Variants in HCRTR2 observed in about 807,000 individuals in gnomAD.
The protein encoded by HCRTR2 is orexin receptor type 2.
In HCRTR2, 22 loss-of-function variants were observed where a neutral mutation model predicts 49.0. The observed-to-expected ratio is 0.45, with a 90% CI of 0.32 to 0.64. The LOEUF is 0.64. Ranked by LOEUF, HCRTR2 falls within the 30% of genes least tolerant of loss-of-function variation. HCRTR2 has a pLI of 0.04. For synonymous variants in HCRTR2, 236 were observed against 205.3 expected, an observed-to-expected ratio of 1.15 and a Z score of -1.28; for missense variants, 491 against 559.4, an observed-to-expected ratio of 0.88 and a Z score of 1.23.
chr6:55,198,069 A>C (rs936828772), intron 1 of HCRTR2, among the ~76,000 whole-genome samples: 3 of 152,148 alleles, frequency 2.0e-5, no homozygotes, highest in African/African-American at 7.2e-5. Context: ...CCAAAAGTAA[A>C]TCTAAACTTA....
At chr6:55,160,623 T>C (rs1764792472) in intron 1 of HCRTR2, among the ~76,000 whole-genome samples, 1 of 151,924 alleles carries the variant, frequency 6.6e-6, no homozygotes, top group African/African-American at 2.4e-5. Context: ...AGGCTCGAAA[T>C]AAAGGGATGG....
chr6:55,227,364 A>C (rs1017589727), intron 1 of HCRTR2, among the ~76,000 whole-genome samples: 1 of 152,162 alleles, frequency 6.6e-6, no homozygotes, highest in Non-Finnish European at 1.5e-5. Flanking sequence ...AAAAGCTATT[A>C]CTATGGGGAC....
intron 1 of HCRTR2, among the ~76,000 whole-genome samples, chr6:55,121,474 C>G (rs1764198609): frequency 1.3e-5 from 2 of 152,130 alleles, no homozygotes; most frequent in Admixed American, 6.6e-5. Context: ...ATTTCTTTCT[C>G]TTGCCTGATT....
At chr6:55,118,867 C>T (rs1764156034) in intron 1 of HCRTR2, among the ~76,000 whole-genome samples, 2 of 151,510 alleles carry the variant, frequency 1.3e-5, no homozygotes, top group Admixed American at 1.3e-4. Flanking sequence ...ATGCACATGC[C>T]ATGGTGGTTT....
At chr6:55,190,887 C>T (rs551361610) in intron 1 of HCRTR2, among the ~76,000 whole-genome samples, 2 of 152,296 alleles carry the variant, frequency 1.3e-5, no homozygotes, top group Middle Eastern at 6.8e-3. Context: ...AGCCTCAGTT[C>T]ACCAAGTATG....
At position 55,231,787 on chromosome 6, in the gene HCRTR2, A is replaced by G. The variant is rs529000563; in HGVS notation, c.224-16852A>G. 2.0e-5 allele frequency among the ~76,000 whole-genome samples: 3 copies of G among 152,348 alleles called. No individual in the cohort carries two copies. In the East Asian group the frequency reaches 5.8e-4, roughly 29 times the overall value. On this transcript the variant is annotated intron_variant, in intron 1 of 6. Coordinates refer to ENST00000370862, the MANE Select transcript of HCRTR2 (RefSeq NM_001384272.1). ...GTTTGACGTGCCTTCCATTTAATAA[A>G]TGCTGTATCAATCTAGCTGTTTCTC...
chr6:55,216,877 G>A (rs1055192087), intron 1 of HCRTR2, among the ~76,000 whole-genome samples: 1 of 152,210 alleles, frequency 6.6e-6, no homozygotes, highest in Non-Finnish European at 1.5e-5. Flanking sequence ...CCTGTGACAA[G>A]TCTCTGCCTG....
chr6:55,220,504 A>G (rs1348869277), intron 1 of HCRTR2, among the ~76,000 whole-genome samples: 1 of 152,184 alleles, frequency 6.6e-6, no homozygotes, highest in Non-Finnish European at 1.5e-5. Context: ...AAAGTTTAAT[A>G]CCCTTTCGTA....
intron 1 of HCRTR2, among the ~76,000 whole-genome samples, chr6:55,120,407 T>C (rs1180383811): frequency 1.3e-5 from 2 of 152,094 alleles, no homozygotes; most frequent in African/African-American, 4.8e-5. Context: ...GTTTTTCTAT[T>C]TGTTTGTGCC....
At chr6:55,236,147 C>T (rs1766208780) in intron 1 of HCRTR2, among the ~76,000 whole-genome samples, 1 of 151,888 alleles carries the variant, frequency 6.6e-6, no homozygotes, top group Non-Finnish European at 1.5e-5. Context: ...AGGGTATATC[C>T]CCCTATCCAT....
intron 1 of HCRTR2, among the ~76,000 whole-genome samples, chr6:55,205,960 C>T (rs1765593907): frequency 6.6e-6 from 1 of 151,982 alleles, no homozygotes; most frequent in African/African-American, 2.4e-5. Context: ...TAAATATATA[C>T]ATCTACTATG....
chr6:55,110,270 G>A (rs1312996664), intron 1 of HCRTR2, among the ~76,000 whole-genome samples: 1 of 151,980 alleles, frequency 6.6e-6, no homozygotes, highest in Non-Finnish European at 1.5e-5. Flanking sequence ...GACTTTCTTA[G>A]AGCATCAACC....
intron 1 of HCRTR2, among the ~76,000 whole-genome samples, chr6:55,188,494 T>C (rs1765262867): frequency 6.6e-6 from 1 of 152,200 alleles, no homozygotes; most frequent in Non-Finnish European, 1.5e-5. Context: ...AAAAGCATCA[T>C]AGAGCACCAG....
chr6:55,251,986 T>C (rs1290568673), intron 2 of HCRTR2, among the ~76,000 whole-genome samples: 2 of 152,124 alleles, frequency 1.3e-5, no homozygotes, highest in Admixed American at 1.3e-4. Context: ...AGAAGTGCAC[T>C]CTTAGAAGTT....
chr6:55,206,371 T>G (rs760010192), intron 1 of HCRTR2, among the ~76,000 whole-genome samples: 2 of 152,100 alleles, frequency 1.3e-5, no homozygotes, highest in Non-Finnish European at 2.9e-5. Context: ...ACGACTGTGA[T>G]AGTACCTGAG....
intron 1 of HCRTR2, among the ~76,000 whole-genome samples, chr6:55,192,415 A>G (rs9942499): frequency 0.022 from 912 of 41,204 alleles, 9 homozygotes; most frequent in African/African-American, 0.064. Flanking sequence ...GCGCGCGCGC[A>G]CACACACACA....
intron 1 of HCRTR2, among the ~76,000 whole-genome samples, chr6:55,128,532 C>T (rs1357474387): frequency 6.6e-6 from 1 of 152,092 alleles, no homozygotes; most frequent in Non-Finnish European, 1.5e-5. Flanking sequence ...ATTTTAACAA[C>T]ATTGAATCTT....
chr6:55,158,302 ACAACCCT>A (rs1331041911), intron 1 of HCRTR2, among the ~76,000 whole-genome samples: 7 of 152,204 alleles, frequency 4.6e-5, no homozygotes, highest in Admixed American at 4.6e-4. Context: ...CATGTTCTTC[ACAACCCT>A]CAGGCCAGGA....
At chr6:55,188,764 T>C (rs1287913787) in intron 1 of HCRTR2, among the ~76,000 whole-genome samples, 1 of 152,124 alleles carries the variant, frequency 6.6e-6, no homozygotes, top group Non-Finnish European at 1.5e-5. Context: ...AACAATAAAC[T>C]ATAGTATGAG....
Sources: allele counts gnomAD v4.1 joint callset (sites outside exome capture counted in the v4.1 genomes callset), GRCh38; gene constraint gnomAD v4.1.1; transcripts MANE v1.5; gene names NCBI Gene and HGNC (gene_info 2026-07-23, HGNC 2026-07-21).